The following DCHS2 variants were observed in gnomAD, a reference collection of about 807,000 sequenced individuals.
DCHS2 encodes the protein protocadherin-23.
Under a neutral mutation model 182.4 loss-of-function variants are expected in DCHS2, and 142 were observed. The observed-to-expected ratio is 0.78, with a 90% CI of 0.68 to 0.89. The LOEUF (loss-of-function observed/expected upper bound fraction) is 0.89. DCHS2 is among the 40% of genes least tolerant of loss of function. The pLI is 0.00. For synonymous variants in DCHS2, 1,740 were observed against 1,663.3 expected, an observed-to-expected ratio of 1.05 and a Z score of -1.12; for missense variants, 4,319 against 4,198.6, an observed-to-expected ratio of 1.03 and a Z score of -0.79.
At chr4:154,314,240 A>G (rs12644248) in intron 10 of DCHS2, among the ~76,000 whole-genome samples, 4,267 of 152,264 alleles carry the variant, frequency 0.028, 287 homozygotes, top group Admixed American at 0.16. Context: ...TAGTTTTTGC[A>G]TTGCTCAGCA....
rs75451129 is a variant in DCHS2, at chr4:154,352,051, A to T, written c.2476+14159T>A. 5.5e-3 allele frequency among the ~76,000 whole-genome samples: 844 copies of T among 152,266 alleles called. 5 individuals are homozygous for T. The highest frequency in any genetic ancestry group is 9.7e-3 in the Non-Finnish European group (662 of 68,028). On this transcript the variant is annotated intron_variant, in intron 3 of 19. Coordinates refer to ENST00000357232, the MANE Select transcript of DCHS2 (RefSeq NM_001358235.2). ...GAACTAACTCCACACACACACAGAC[A>T]CATGCACACACACACACACATACAT...
intron 15 of DCHS2, among the ~76,000 whole-genome samples, chr4:154,258,668 T>G (rs1192072367): frequency 6.6e-6 from 1 of 152,038 alleles, no homozygotes; most frequent in Non-Finnish European, 1.5e-5. Context: ...TGAGCCACTG[T>G]GGGGTCTTTT....
In DCHS2 at chr4:154,362,267, GT is replaced by G. The variant is rs1215037472; in HGVS notation, c.2476+3942del. On this transcript the variant is annotated intron_variant, in intron 3 of 19. Transcript: ENST00000357232. Reference sequence around the variant, plus strand: ...AGGCTGGAGAGAAAGTCTAGGGAGAGTTTTGAGGAAACGTGGGGATAGGCCA... The same window carrying G: ...AGGCTGGAGAGAAAGTCTAGGGAGAGTTTGAGGAAACGTGGGGATAGGCCA... Among the ~76,000 whole-genome samples, 5 of 152,272 alleles carry G rather than the reference GT, an allele frequency of 3.3e-5. 1 individual carries two copies. In the East Asian group the frequency reaches 9.7e-4, roughly 29 times the overall value.
chr4:154,490,170 T>C lies in DCHS2; in HGVS notation c.1186A>G (p.Thr396Ala). Residue 396 changes from threonine to alanine, a missense_variant, in exon 1 of 20, where the codon ACG becomes GCG. Thr to Ala is a moderately conservative substitution (Grantham distance 58). Coordinates refer to ENST00000357232, the MANE Select transcript of DCHS2 (RefSeq NM_001358235.2). ...AGCACGGCGATGGACACGCGCACCGTGGCAACCTCAGGCTCGGCGCCTCCA... is the reference window on the plus strand; with the variant it reads ...AGCACGGCGATGGACACGCGCACCGCGGCAACCTCAGGCTCGGCGCCTCCA... ...RDGGAEPEVA[T>A]VRVSIAVLDV... 6.5e-7 allele frequency: 1 copy of C among 1,549,536 alleles called. No individual in the cohort carries two copies. Among genetic ancestry groups the C allele is most frequent in the South Asian group, 1.2e-5 (1 of 83,952 alleles).
At chr4:154,415,124 G>A (rs1560744564) in intron 1 of DCHS2, among the ~76,000 whole-genome samples, 1 of 152,112 alleles carries the variant, frequency 6.6e-6, no homozygotes, top group Admixed American at 6.5e-5. Flanking sequence ...ACTGAAGACC[G>A]GGAGGGACCT....
intron 1 of DCHS2, among the ~76,000 whole-genome samples, chr4:154,410,394 T>C (rs1194926975): frequency 6.8e-6 from 1 of 148,142 alleles, no homozygotes; most frequent in Non-Finnish European, 1.5e-5. Flanking sequence ...AATAGAGAAT[T>C]TCAACAGTAG....
At chr4:154,277,932 T>A (rs1021834463) in intron 13 of DCHS2, among the ~76,000 whole-genome samples, 12 of 150,974 alleles carry the variant, frequency 7.9e-5, no homozygotes, top group African/African-American at 2.7e-4. Flanking sequence ...TCCTAGCTAC[T>A]CAGAAGGCTG....
intron 13 of DCHS2, among the ~76,000 whole-genome samples, chr4:154,284,047 A>T (rs1011253167): frequency 3.3e-5 from 5 of 152,230 alleles, no homozygotes; most frequent in Non-Finnish European, 7.3e-5. Flanking sequence ...CTCAAAAAAC[A>T]AGGTAAATGT....
chr4:154,271,528 T>C (rs1350398534), intron 13 of DCHS2, among the ~76,000 whole-genome samples: 2 of 152,172 alleles, frequency 1.3e-5, no homozygotes, highest in Non-Finnish European at 2.9e-5. Flanking sequence ...AGATGCTGAG[T>C]GCCTTTAAGG....
Position 154,490,642 on chromosome 4 carries a change from G to A in DCHS2, c.714C>T (p.Gly238=). ...CTAGAGGCTCCAGGGGTGACGAGGAGCCTGGCAAAAGCGGTGACGGTAGTG... is the reference window on the plus strand; with the variant it reads ...CTAGAGGCTCCAGGGGTGACGAGGAACCTGGCAAAAGCGGTGACGGTAGTG... ...PGPLPSPLLP[G]SSSPLEPLDL... Residue 238 remains glycine, a synonymous_variant, in exon 1 of 20, where the codon GGC becomes GGT. Transcript: ENST00000357232. 4 of 1,551,176 alleles carry A rather than the reference G, an allele frequency of 2.6e-6. No homozygotes were observed. Among genetic ancestry groups the A allele is most frequent in the Non-Finnish European group, 3.5e-6 (4 of 1,146,908 alleles).
chr4:154,433,435 G>A (rs998437323), intron 1 of DCHS2, among the ~76,000 whole-genome samples: 5 of 118,984 alleles, frequency 4.2e-5, no homozygotes, highest in East Asian at 2.3e-4. Flanking sequence ...TTGCTCTGTC[G>A]CTAGGCTGGA....
chr4:154,480,512 G>A (rs1438988362), intron 1 of DCHS2, among the ~76,000 whole-genome samples: 2 of 152,088 alleles, frequency 1.3e-5, no homozygotes, highest in Non-Finnish European at 2.9e-5. Context: ...TCTACTACAG[G>A]TCTTCCCTGC....
intron 13 of DCHS2, among the ~76,000 whole-genome samples, chr4:154,275,268 GA>G (rs1295211577): frequency 1.3e-5 from 2 of 151,948 alleles, no homozygotes; most frequent in African/African-American, 2.4e-5. Flanking sequence ...ATTTGTTAAG[GA>G]AAAAGAGCAA....
At chr4:154,417,059 G>T (rs924491737) in intron 1 of DCHS2, among the ~76,000 whole-genome samples, 1 of 152,078 alleles carries the variant, frequency 6.6e-6, no homozygotes, top group African/African-American at 2.4e-5. Context: ...ACAACCACAG[G>T]ATCGCGGCGG....
intron 17 of DCHS2, among the ~76,000 whole-genome samples, chr4:154,242,194 A>G (rs1441452750): frequency 6.6e-6 from 1 of 152,184 alleles, no homozygotes; most frequent in African/African-American, 2.4e-5. Flanking sequence ...AACGTTGAAG[A>G]TAAGGTTATT....
intron 9 of DCHS2, among the ~76,000 whole-genome samples, chr4:154,318,435 C>G (rs936495492): frequency 4.6e-5 from 7 of 151,700 alleles, no homozygotes; most frequent in African/African-American, 1.7e-4. Context: ...TAAAATTATC[C>G]CTGTTTGTAG....
chr4:154,428,382 A>C (rs1733420280), intron 1 of DCHS2, among the ~76,000 whole-genome samples: 1 of 151,914 alleles, frequency 6.6e-6, no homozygotes, highest in African/African-American at 2.4e-5. Context: ...TCTCTACAAA[A>C]ATAAAAATTA....
chr4:154,298,513 G>A lies in DCHS2; in HGVS notation c.5801C>T (p.Pro1934Leu), dbSNP rs1395318391. The A allele has an allele frequency of 6.2e-6, 10 of 1,614,070 alleles. No individual in the cohort carries two copies. The highest frequency in any genetic ancestry group is 8.5e-6 in the Non-Finnish European group (10 of 1,179,970). Residue 1934 changes from proline (P) to leucine (L), a missense_variant, in exon 13 of 20, where the codon CCC becomes CTC. By Grantham distance (98) the Pro-to-Leu change is moderately conservative (BLOSUM62 -3). Transcript: ENST00000357232. ...CACAGAGGACTGGTAATAAAGTGTG[G>A]GAAAAGAAGGACTGTGGTCATTGGC... ...LDANDHSPSF[P>L]TLYYQSSVRE...
rs544629903 is a variant in DCHS2 at position 154,371,595 on chromosome 4, T to C, written c.2245-5154A>G. Among the ~76,000 whole-genome samples, 3 of 152,250 alleles carry C rather than the reference T, an allele frequency of 2.0e-5. No individual in the cohort carries two copies. In the South Asian group the frequency reaches 6.2e-4, roughly 32 times the overall value. ...TCACATTGCTATAAAAAAAGAAACC[T>C]GAGACTGATTAATTTATAAGAAAAG... On this transcript the variant is annotated intron_variant, in intron 2 of 19. Transcript: ENST00000357232.
Sources: gnomAD v4.1 joint callset for allele counts (sites outside exome capture counted in the v4.1 genomes callset) on GRCh38, gnomAD v4.1.1 for gene constraint, MANE v1.5 for transcripts, NCBI Gene and HGNC (gene_info 2026-07-23, HGNC 2026-07-21) for gene names.